Variants in C10orf71 observed in about 807,000 individuals in gnomAD.
The protein encoded by C10orf71 is chromosome 10 open reading frame 71, also known as cardiac-enriched FHL2-interacting protein.
For missense variants in C10orf71, 1,869 were observed against 1,804.5 expected, an observed-to-expected ratio of 1.04 and a Z score of -0.65; for synonymous variants, 758 against 726.3, an observed-to-expected ratio of 1.04 and a Z score of -0.70.
Position 49,325,936 on chromosome 10 carries a change from G to T in C10orf71, c.3391G>T (p.Ala1131Ser). ...GGSDPLLELS[A>S]EDLRTLSPRG... ...CTCTGACCCCCTACTTGAGCTGTCG[G>T]CAGAAGACCTCCGGACCCTCTCTCC... Residue 1131 changes from alanine to serine, a missense_variant, in exon 3 of 3, where the codon GCA becomes TCA. By Grantham distance (99) the Ala-to-Ser change is moderately conservative. Coordinates refer to ENST00000374144, the MANE Select transcript of C10orf71 (RefSeq NM_001135196.2). 4.5e-6 allele frequency: 7 copies of T among 1,551,412 alleles called. No individual in the cohort carries two copies. Among genetic ancestry groups the T allele is most frequent in the Non-Finnish European group, 6.1e-6 (7 of 1,146,850 alleles).
intron 2 of C10orf71, among the ~76,000 whole-genome samples, chr10:49,319,320 C>T (rs1849051216): frequency 1.3e-5 from 2 of 151,496 alleles, no homozygotes; most frequent in Admixed American, 1.3e-4. Flanking sequence ...CACCATGCAC[C>T]CACCAGGATG....
In C10orf71 at chr10:49,327,103, C is replaced by CAGTTCCCAGGCGCACTCTACTCCAG. The variant is rs1849277914; in HGVS notation, c.*251_*275dup. The CAGTTCCCAGGCGCACTCTACTCCAG allele has an allele frequency of 7.3e-7, 1 of 1,363,224 alleles. No homozygotes were observed. The highest frequency in any genetic ancestry group is 2.3e-5 in the Admixed American group (1 of 43,430). 84.4% of individuals were successfully genotyped at this position (1,363,224 alleles called of 1,614,324 possible). A position where few individuals can be genotyped will look rare whatever the true frequency, so the allele number is the denominator to read the frequency against. ...TTGCTTGGCCCGGTCCCCTCCGTGC[C>CAGTTCCCAGGCGCACTCTACTCCAG]AGTTCCCAGGCGCACTCTACTCCAG... On this transcript the variant is annotated 3_prime_UTR_variant, in exon 3 of 3. Transcript: ENST00000374144.
intron 1 of C10orf71, among the ~76,000 whole-genome samples, chr10:49,303,785 G>A (rs1045649021): frequency 6.6e-6 from 1 of 152,232 alleles, no homozygotes; most frequent in Non-Finnish European, 1.5e-5. Context: ...TCCTTGCCAT[G>A]AGGAATTCCA....
rs2132430683 is a variant in C10orf71, at chr10:49,322,707, T to C, written c.162T>C (p.Ala54=). 1.2e-6 allele frequency: 2 copies of C among 1,614,026 alleles called. No individual in the cohort carries two copies. Among genetic ancestry groups the C allele is most frequent in the Non-Finnish European group, 1.7e-6 (2 of 1,179,890 alleles). Reference sequence around the variant, plus strand: ...CATCCTTCCATGACTCCTATCTGGCTGTGTCCCCGGATATCACCCGACAGG... The same window carrying C: ...CATCCTTCCATGACTCCTATCTGGCCGTGTCCCCGGATATCACCCGACAGG... ...EDTSFHDSYL[A]VSPDITRQVF... is the part of the protein sequence containing the mutation. The change falls in exon 3 of 3, where the codon GCT becomes GCC. Residue 54 remains alanine (A), a synonymous_variant. Coordinates refer to ENST00000374144, the MANE Select transcript of C10orf71 (RefSeq NM_001135196.2).
chr10:49,324,109 G>C lies in C10orf71; in HGVS notation c.1564G>C (p.Val522Leu). 6.2e-7 allele frequency: 1 copy of C among 1,613,958 alleles called. No individual in the cohort carries two copies. The highest frequency in any genetic ancestry group is 1.7e-5 in the Admixed American group (1 of 60,016). Residue 522 changes from valine to leucine, a missense_variant, in exon 3 of 3, where the codon GTG (valine) becomes CTG (leucine). Transcript: ENST00000374144. ...STYSSSPLLK[V>L]LDEKTRGKVD... Reference sequence around the variant, plus strand: ...ATACAGTTCCTCACCTCTCTTGAAAGTGCTTGATGAGAAAACTAGAGGTAA... The same window carrying C: ...ATACAGTTCCTCACCTCTCTTGAAACTGCTTGATGAGAAAACTAGAGGTAA...
At chr10:49,322,214 G>A (rs1334173409) in intron 2 of C10orf71, among the ~76,000 whole-genome samples, 188 bp from the exon 3 acceptor site, 1 of 152,162 alleles carries the variant, frequency 6.6e-6, no homozygotes, top group African/African-American at 2.4e-5. Context: ...TGATTTTAGT[G>A]TTAATCACAT....
At position 49,316,604 on chromosome 10, in the gene C10orf71, A is replaced by G. The variant is rs147262624; in HGVS notation, c.-145+357A>G. On this transcript the variant is annotated intron_variant, in intron 2 of 2. Coordinates refer to ENST00000374144, the MANE Select transcript of C10orf71 (RefSeq NM_001135196.2). ...AACTCAACAAATGAGGCAGAAATTC[A>G]TATGTATTAAAAGAAAAATGGAGGT... Among the ~76,000 whole-genome samples the G allele has an allele frequency of 2.5e-3, 383 of 152,336 alleles. 1 individual carries two copies. The highest frequency in any genetic ancestry group is 4.5e-3 in the Admixed American group (69 of 15,300).
chr10:49,307,799 G>A (rs77411961), intron 1 of C10orf71, among the ~76,000 whole-genome samples: 14,310 of 152,246 alleles, frequency 0.094, 854 homozygotes, highest in South Asian at 0.17. Flanking sequence ...GTTTGTGGGA[G>A]ACTGCTTGAA....
upstream of C10orf71, among the ~76,000 whole-genome samples, chr10:49,297,322 TCAAA>T (rs1241379680): frequency 6.6e-6 from 1 of 152,184 alleles, no homozygotes; most frequent in Non-Finnish European, 1.5e-5. Flanking sequence ...ATGATTTGGG[TCAAA>T]CAGATGACAT....
chr10:49,326,911 C>T lies in C10orf71; in HGVS notation c.*58C>T, dbSNP rs1351376626. The T allele has an allele frequency of 7.6e-7, 1 of 1,317,852 alleles. No individual in the cohort carries two copies. The highest frequency in any genetic ancestry group is 1.4e-5 in the South Asian group (1 of 71,290). The allele number at this position is 1,317,852 out of a possible 1,614,324, so 81.6% of individuals were successfully genotyped here. A position where few individuals can be genotyped will look rare whatever the true frequency, so the allele number is the denominator to read the frequency against. On this transcript the variant is annotated 3_prime_UTR_variant, in exon 3 of 3. Transcript: ENST00000374144. Reference sequence around the variant, plus strand: ...ACCCAGAGGAGCTTACTTCCCCCTCCCCCAAAACAAGCAACACACACACAC... The same window carrying T: ...ACCCAGAGGAGCTTACTTCCCCCTCTCCCAAAACAAGCAACACACACACAC...
intron 1 of C10orf71, among the ~76,000 whole-genome samples, chr10:49,314,792 G>A (rs1272511108): frequency 3.3e-5 from 5 of 152,176 alleles, no homozygotes; most frequent in Non-Finnish European, 1.5e-5. Flanking sequence ...CCAAGGCCAG[G>A]AGTCTTTCTC....
intron 1 of C10orf71, among the ~76,000 whole-genome samples, chr10:49,313,844 G>A (rs1848955689): frequency 6.6e-6 from 1 of 152,170 alleles, no homozygotes; most frequent in East Asian, 1.9e-4. Context: ...CTGGTGGGTG[G>A]GCGGAGGCGT....
At chr10:49,300,127 C>G (rs780801596) in intron 1 of C10orf71, among the ~76,000 whole-genome samples, 4 of 152,150 alleles carry the variant, frequency 2.6e-5, no homozygotes, top group Admixed American at 1.3e-4. Flanking sequence ...ATTGTGTAGG[C>G]CTTTCAGGTA....
At chr10:49,311,300 C>T (rs1322237835) in intron 1 of C10orf71, among the ~76,000 whole-genome samples, 7 of 152,184 alleles carry the variant, frequency 4.6e-5, no homozygotes, top group African/African-American at 1.7e-4. Flanking sequence ...CTACACTTCC[C>T]GTCCTTACAA....
At position 49,327,231 on chromosome 10, in the gene C10orf71, T is replaced by C; in HGVS notation, c.*378T>C. ...CAAGGGCACCGCCTGGTCCCAAGTG[T>C]CCCTCTGTACCCACACCCACCCACT... On this transcript the variant is annotated 3_prime_UTR_variant, in exon 3 of 3. Transcript: ENST00000374144. 2.5e-6 allele frequency: 1 copy of C among 399,586 alleles called. No individual in the cohort carries two copies. The highest frequency in any genetic ancestry group is 2.1e-5 in the South Asian group (1 of 47,430). 24.8% of individuals were successfully genotyped at this position (399,586 alleles called of 1,614,324 possible). A position where few individuals can be genotyped will look rare whatever the true frequency, so the allele number is the denominator to read the frequency against.
chr10:49,320,833 C>A lies in C10orf71; in HGVS notation c.-144-1569C>A, dbSNP rs549028198. On this transcript the variant is annotated intron_variant, in intron 2 of 2. Coordinates refer to ENST00000374144, the MANE Select transcript of C10orf71 (RefSeq NM_001135196.2). ...GAAGAGTTGATGACACAGCTCCAAT[C>A]CAAAGATGATCCAAAGGCGGAAGTT... Among the ~76,000 whole-genome samples, 15 of 152,270 alleles carry A rather than the reference C, an allele frequency of 9.9e-5. No homozygotes were observed. The South Asian group carries it at 2.9e-3, about 29-fold the overall frequency.
In C10orf71 at chr10:49,325,571, G is replaced by A. The variant is rs1298522700; in HGVS notation, c.3026G>A (p.Gly1009Asp). The change falls in exon 3 of 3, where the codon GGT becomes GAT. Residue 1009 changes from glycine (G) to aspartate (D), a missense_variant. Transcript: ENST00000374144. ...WHIPTIALPEGDIEDQPPPWQ... is the reference protein window; with the variant it reads ...WHIPTIALPEDDIEDQPPPWQ... The stretch of plus-strand genomic sequence containing the variant: ...ATCCCCACCATTGCTTTACCCGAGG[G>A]TGACATAGAAGACCAGCCACCCCCA... 2.6e-6 allele frequency: 4 copies of A among 1,550,822 alleles called. No homozygotes were observed. The highest frequency in any genetic ancestry group is 2.6e-6 in the Non-Finnish European group (3 of 1,146,164).
intron 1 of C10orf71, among the ~76,000 whole-genome samples, chr10:49,303,007 A>G (rs1384608528): frequency 1.3e-5 from 2 of 152,212 alleles, no homozygotes; most frequent in Non-Finnish European, 2.9e-5. Context: ...CAAATGTATG[A>G]AAAGTTCCCA....
chr10:49,319,837 T>C (rs188798928), intron 2 of C10orf71, among the ~76,000 whole-genome samples: 1 of 151,812 alleles, frequency 6.6e-6, no homozygotes, highest in Admixed American at 6.6e-5. Context: ...TGGCACATGC[T>C]ACAACACAGA....
Sources: allele counts gnomAD v4.1 joint callset (sites outside exome capture counted in the v4.1 genomes callset), GRCh38; gene constraint gnomAD v4.1.1; transcripts MANE v1.5; gene names NCBI Gene and HGNC (gene_info 2026-07-23, HGNC 2026-07-21).